Variants in KCND2 observed in about 807,000 individuals in gnomAD.
KCND2 encodes the protein A-type voltage-gated potassium channel KCND2.
A neutral mutation model predicts 54.4 loss-of-function variants in KCND2; 16 were observed. That is an observed-to-expected ratio of 0.29 (90% CI 0.20 to 0.45). KCND2 has a LOEUF of 0.45. Ranked by LOEUF, KCND2 falls within the 20% of genes least tolerant of loss-of-function variation. The pLI, the probability that KCND2 is intolerant of heterozygous loss-of-function variation, is 1.00. For synonymous variants in KCND2, 317 were observed against 310.7 expected, an observed-to-expected ratio of 1.02 and a Z score of -0.21; for missense variants, 486 against 824.2, an observed-to-expected ratio of 0.59 and a Z score of 5.02.
chr7:120,672,688 A>G (rs1318845460), intron 1 of KCND2, among the ~76,000 whole-genome samples: 1 of 152,092 alleles, frequency 6.6e-6, no homozygotes, highest in East Asian at 1.9e-4. Flanking sequence ...CAGATCTGTG[A>G]TAGGCTGACT....
At chr7:120,365,158 G>A (rs1341083434) in intron 1 of KCND2, among the ~76,000 whole-genome samples, 1 of 149,046 alleles carries the variant, frequency 6.7e-6, no homozygotes, top group African/African-American at 2.5e-5. Flanking sequence ...AGGGAAAATG[G>A]AGGGTGGGAG....
intron 1 of KCND2, among the ~76,000 whole-genome samples, chr7:120,561,121 A>G (rs912010057): frequency 6.6e-6 from 1 of 152,218 alleles, no homozygotes; most frequent in Non-Finnish European, 1.5e-5. Flanking sequence ...AATTTGCAAA[A>G]TGTTTTAAGT....
intron 1 of KCND2, among the ~76,000 whole-genome samples, chr7:120,560,235 T>C (rs1792216815): frequency 6.6e-6 from 1 of 152,216 alleles, no homozygotes; most frequent in Admixed American, 6.5e-5. Flanking sequence ...CAGAAATCAT[T>C]TTTGCAGTTC....
At chr7:120,538,091 A>G (rs1791933885) in intron 1 of KCND2, among the ~76,000 whole-genome samples, 1 of 152,184 alleles carries the variant, frequency 6.6e-6, no homozygotes, top group African/African-American at 2.4e-5. Context: ...CTTTTGGTTT[A>G]AAGTGAAAGA....
chr7:120,588,116 T>C (rs1257741889), intron 1 of KCND2, among the ~76,000 whole-genome samples: 1 of 152,194 alleles, frequency 6.6e-6, no homozygotes, highest in East Asian at 1.9e-4. Flanking sequence ...TTTACAGATA[T>C]AATTCGTAGG....
chr7:120,715,019 C>T (rs751873511), intron 1 of KCND2, among the ~76,000 whole-genome samples: 1 of 152,040 alleles, frequency 6.6e-6, no homozygotes, highest in Non-Finnish European at 1.5e-5. Flanking sequence ...AAATACCCCA[C>T]GTATACCTCT....
chr7:120,401,806 A>G (rs17324614), intron 1 of KCND2, among the ~76,000 whole-genome samples: 15,730 of 152,068 alleles, frequency 0.1, 839 homozygotes, highest in Admixed American at 0.13. Flanking sequence ...TCAGTTTTCC[A>G]TCAATTTTGA....
intron 1 of KCND2, among the ~76,000 whole-genome samples, chr7:120,432,261 A>G (rs914798164): frequency 1.3e-5 from 2 of 152,192 alleles, no homozygotes; most frequent in African/African-American, 4.8e-5. Flanking sequence ...ATATCTCCGT[A>G]AAGATTGCCC....
chr7:120,556,570 A>AT (rs2116403595), intron 1 of KCND2, among the ~76,000 whole-genome samples: 1 of 152,214 alleles, frequency 6.6e-6, no homozygotes, highest in African/African-American at 2.4e-5. Context: ...ATTTCAAAGT[A>AT]TTTTTCTGGC....
chr7:120,381,048 G>A (rs1210710503), intron 1 of KCND2, among the ~76,000 whole-genome samples: 1 of 151,974 alleles, frequency 6.6e-6, no homozygotes, highest in Non-Finnish European at 1.5e-5. Flanking sequence ...AGGCTGAGGT[G>A]GGAGGATTAC....
intron 1 of KCND2, among the ~76,000 whole-genome samples, chr7:120,670,796 G>A (rs563348391): frequency 2.6e-5 from 4 of 151,780 alleles, no homozygotes; most frequent in African/African-American, 7.2e-5. Context: ...GGTGCCTGTA[G>A]TCCCAGCTAC....
At chr7:120,628,844 C>CTGCTGCATGAATTCAATAAATTTTTAT (rs1372620418) in intron 1 of KCND2, among the ~76,000 whole-genome samples, 1 of 152,054 alleles carries the variant, frequency 6.6e-6, no homozygotes, top group Non-Finnish European at 1.5e-5. Flanking sequence ...TGCAGCTTTT[C>CTGCTGCATGAATTCAATAAATTTTTAT]TGAATTAATT....
chr7:120,469,730 C>A (rs1802426764), intron 1 of KCND2, among the ~76,000 whole-genome samples: 2 of 152,114 alleles, frequency 1.3e-5, no homozygotes, highest in Non-Finnish European at 1.5e-5. Context: ...TTTCTCCCAT[C>A]TTCCCTGTTA....
intron 1 of KCND2, among the ~76,000 whole-genome samples, chr7:120,300,100 GGTT>G (rs1346109012): frequency 1.1e-4 from 17 of 152,272 alleles, no homozygotes; most frequent in African/African-American, 4.1e-4. Context: ...TTGCAAAAGA[GGTT>G]GGTGACATTG....
intron 1 of KCND2, among the ~76,000 whole-genome samples, chr7:120,310,346 A>G (rs1028249990): frequency 6.6e-6 from 1 of 152,180 alleles, no homozygotes; most frequent in African/African-American, 2.4e-5. Flanking sequence ...AGCACACCAT[A>G]TGTTATTTAC....
chr7:120,424,325 A>T (rs901380923), intron 1 of KCND2, among the ~76,000 whole-genome samples: 2 of 152,178 alleles, frequency 1.3e-5, no homozygotes, highest in South Asian at 4.1e-4. Flanking sequence ...CACTTGATAG[A>T]ATTGAACTAA....
In KCND2 at chr7:120,544,248, C is replaced by T. The variant is rs143131873; in HGVS notation, c.1116-188655C>T. ...ATAATAGGTTAAGAGCAGCAGGAAGCAAGACAGAAAGGTAATTACAGCTGA... is the reference window on the plus strand; with the variant it reads ...ATAATAGGTTAAGAGCAGCAGGAAGTAAGACAGAAAGGTAATTACAGCTGA... On this transcript the variant is annotated intron_variant, in intron 1 of 5. Coordinates refer to ENST00000331113, the MANE Select transcript of KCND2 (RefSeq NM_012281.3). Among the ~76,000 whole-genome samples, 1,216 of 151,816 alleles carry T rather than the reference C, an allele frequency of 8.0e-3. 19 individuals are homozygous for T. Among genetic ancestry groups the T allele is most frequent in the African/African-American group, 0.028 (1,160 of 41,460 alleles).
chr7:120,298,043 T>C (rs1344473661), intron 1 of KCND2, among the ~76,000 whole-genome samples: 7 of 152,154 alleles, frequency 4.6e-5, no homozygotes, highest in Admixed American at 2.0e-4. Context: ...ATTTGTAATA[T>C]TGTTTAATAT....
intron 1 of KCND2, among the ~76,000 whole-genome samples, chr7:120,425,900 A>C (rs1176645675): frequency 6.7e-6 from 1 of 149,430 alleles, no homozygotes; most frequent in Non-Finnish European, 1.5e-5. Context: ...GGATTCTTCT[A>C]CTTTCCTCTT....
Sources: gnomAD v4.1 joint callset for allele counts (sites outside exome capture counted in the v4.1 genomes callset) on GRCh38, gnomAD v4.1.1 for gene constraint, MANE v1.5 for transcripts, NCBI Gene and HGNC (gene_info 2026-07-23, HGNC 2026-07-21) for gene names.